The following PARN variants were observed in gnomAD, a reference collection of about 807,000 sequenced individuals.
The protein encoded by PARN is poly(A)-specific ribonuclease PARN.
Under a neutral mutation model 102.8 loss-of-function variants are expected in PARN, and 71 were observed. The ratio of observed to expected loss-of-function variants is 0.69; its 90% CI spans 0.57 to 0.84. The LOEUF is 0.84. Among genes scored for constraint, PARN ranks in the 40% least tolerant of loss-of-function variants. The pLI is 0.00. For missense variants in PARN, 782 were observed against 760.9 expected (o/e 1.03, Z -0.33); for synonymous variants, 261 against 252.9 (o/e 1.03, Z -0.30).
At chr16:14,564,654 G>T (rs1054082691) in intron 18 of PARN, among the ~76,000 whole-genome samples, 2 of 152,144 alleles carry the variant, frequency 1.3e-5, no homozygotes, top group African/African-American at 4.8e-5. Context: ...GATCTAGACA[G>T]ACTTCTAATG....
intron 21 of PARN, among the ~76,000 whole-genome samples, chr16:14,493,402 G>A (rs2151614006): frequency 6.6e-6 from 1 of 152,212 alleles, no homozygotes; most frequent in Non-Finnish European, 1.5e-5. Context: ...TTTCTGTAAA[G>A]ACAAGGTTTT....
chr16:14,619,127 G>A (rs1174818820), intron 5 of PARN, among the ~76,000 whole-genome samples: 1 of 152,022 alleles, frequency 6.6e-6, no homozygotes, highest in East Asian at 1.9e-4. Context: ...TATGGAAGGT[G>A]AGGAGGTTGA....
At chr16:14,542,375 G>T (rs1567365644) in intron 21 of PARN, among the ~76,000 whole-genome samples, 1 of 151,246 alleles carries the variant, frequency 6.6e-6, no homozygotes, top group Non-Finnish European at 1.5e-5. Context: ...AGGCTGGAGT[G>T]GAGTGGTACA....
intron 21 of PARN, among the ~76,000 whole-genome samples, chr16:14,512,264 G>C (rs1965227960): frequency 6.6e-6 from 1 of 152,178 alleles, no homozygotes; most frequent in Non-Finnish European, 1.5e-5. Flanking sequence ...CATTTTGGGA[G>C]GCTGAGGCAG....
chr16:14,509,414 G>A (rs1240725728), intron 21 of PARN, among the ~76,000 whole-genome samples: 2 of 152,178 alleles, frequency 1.3e-5, no homozygotes, highest in Admixed American at 1.3e-4. Context: ...TAACAAGTGT[G>A]ACTTACTGCA....
rs758894848 is a variant in PARN, at chr16:14,614,149, C to T, written c.389-3340G>A. ...GTGTGCACCTATGGTTCCAGCTACA[C>T]GGAAGGCTGAGGTGGGAGAATCACT... On this transcript the variant is annotated intron_variant, in intron 6 of 23. Transcript: ENST00000437198. Among the ~76,000 whole-genome samples the T allele has an allele frequency of 2.6e-5, 4 of 151,742 alleles. No homozygotes were observed. In the East Asian group the frequency reaches 5.8e-4, roughly 22 times the overall value.
intron 22 of PARN, among the ~76,000 whole-genome samples, chr16:14,479,160 T>G (rs1037160576): frequency 5.3e-5 from 8 of 152,286 alleles, no homozygotes; most frequent in African/African-American, 1.7e-4. Context: ...GGCTCATACC[T>G]ATAATACTAA....
chr16:14,606,736 G>A (rs1025230401), intron 9 of PARN, among the ~76,000 whole-genome samples: 1 of 150,836 alleles, frequency 6.6e-6, no homozygotes, highest in African/African-American at 2.4e-5. Flanking sequence ...ACATAAACGT[G>A]GATTTGACTT....
intron 6 of PARN, among the ~76,000 whole-genome samples, chr16:14,614,906 A>AAGGTG (rs1971792873): frequency 6.7e-6 from 1 of 148,618 alleles, no homozygotes; most frequent in Non-Finnish European, 1.5e-5. Flanking sequence ...CAGGTGTCTG[A>AAGGTG]AGGTGGTGTG....
intron 21 of PARN, among the ~76,000 whole-genome samples, chr16:14,533,313 G>A (rs1966455318): frequency 6.6e-6 from 1 of 152,096 alleles, no homozygotes; most frequent in South Asian, 2.1e-4. Flanking sequence ...GGCCGAGGCA[G>A]GAGAATCAGG....
chr16:14,554,748 A>T (rs1567379468), intron 19 of PARN, among the ~76,000 whole-genome samples: 2 of 151,976 alleles, frequency 1.3e-5, no homozygotes, highest in Non-Finnish European at 2.9e-5. Context: ...CCAACTGTGC[A>T]AATTATTTAG....
At chr16:14,587,797 T>A (rs1180303796) in intron 13 of PARN, among the ~76,000 whole-genome samples, 1 of 152,272 alleles carries the variant, frequency 6.6e-6, no homozygotes, top group Non-Finnish European at 1.5e-5. Flanking sequence ...AAACTGCTTA[T>A]CCTAACCCAC....
intron 21 of PARN, among the ~76,000 whole-genome samples, chr16:14,497,548 T>C (rs1392348803): frequency 6.6e-6 from 1 of 152,236 alleles, no homozygotes; most frequent in African/African-American, 2.4e-5. Context: ...TGTTGGGCTG[T>C]TTATGAAGTA....
At chr16:14,547,910 G>A (rs1187859583) in intron 21 of PARN, among the ~76,000 whole-genome samples, 5 of 151,990 alleles carry the variant, frequency 3.3e-5, no homozygotes, top group Non-Finnish European at 5.9e-5. Context: ...CCTAAGAGGC[G>A]CTCTGTTTCC....
intron 21 of PARN, among the ~76,000 whole-genome samples, chr16:14,550,254 G>GA (rs1277542111): frequency 6.6e-6 from 1 of 151,012 alleles, no homozygotes; most frequent in Non-Finnish European, 1.5e-5. Context: ...ATGGATCACA[G>GA]AAAAAATCTC....
At chr16:14,483,483 G>T (rs1330014719) in intron 21 of PARN, among the ~76,000 whole-genome samples, 1 of 151,998 alleles carries the variant, frequency 6.6e-6, no homozygotes, top group East Asian at 1.9e-4. Context: ...TAATACCAGG[G>T]TCCTTCTTAT....
chr16:14,447,276 T>C (rs1268868532), intron 22 of PARN, among the ~76,000 whole-genome samples, 195 bp from the exon 23 acceptor site: 2 of 152,190 alleles, frequency 1.3e-5, no homozygotes, highest in African/African-American at 2.4e-5. Context: ...AACAAGCTTA[T>C]TCAGAAAAAA....
At chr16:14,437,662 G>A (rs1960761415) in intron 23 of PARN, among the ~76,000 whole-genome samples, 1 of 152,196 alleles carries the variant, frequency 6.6e-6, no homozygotes, top group Non-Finnish European at 1.5e-5. Context: ...CTGCACAAGT[G>A]GTGCCATGCA....
At chr16:14,439,447 G>A (rs1960855292) in intron 23 of PARN, among the ~76,000 whole-genome samples, 1 of 150,900 alleles carries the variant, frequency 6.6e-6, no homozygotes, top group African/African-American at 2.4e-5. Context: ...AGGAAGGGAG[G>A]GAGGGAGATA....
Sources: allele counts gnomAD v4.1 joint callset (sites outside exome capture counted in the v4.1 genomes callset), GRCh38; gene constraint gnomAD v4.1.1; transcripts MANE v1.5; gene names NCBI Gene and HGNC (gene_info 2026-07-23, HGNC 2026-07-21).